HTR2A: variants seen among roughly 807,000 people sequenced by gnomAD.
HTR2A encodes 5-HT2 receptor.
HTR2A carries 14 observed loss-of-function variants against 31.0 expected under a neutral mutation model. That is an observed-to-expected ratio of 0.45 (90% confidence interval 0.30 to 0.71). The LOEUF (loss-of-function observed/expected upper bound fraction) is 0.71. Among genes scored for constraint, HTR2A ranks in the 30% least tolerant of loss-of-function variants. The pLI is 0.09. For missense variants in HTR2A, 442 were observed against 573.3 expected (o/e 0.77, Z 2.34); for synonymous variants, 209 against 225.2 (o/e 0.93, Z 0.64).
intron 2 of HTR2A, among the ~76,000 whole-genome samples, chr13:46,893,638 T>C (rs78832357): frequency 0.015 from 2,303 of 152,286 alleles, 51 homozygotes; most frequent in African/African-American, 0.052. Context: ...ATGTAAGAGA[T>C]ACTGCAGGTC....
intron 3 of HTR2A, among the ~76,000 whole-genome samples, 196 bp from the exon 4 acceptor site, chr13:46,835,835 A>G (rs557987755): frequency 6.6e-6 from 1 of 152,192 alleles, no homozygotes; most frequent in African/African-American, 2.4e-5. Context: ...CTTGTATGTT[A>G]TATTGCCCTA....
chr13:46,855,063 G>A (rs1432804316), intron 3 of HTR2A, among the ~76,000 whole-genome samples: 1 of 152,114 alleles, frequency 6.6e-6, no homozygotes, highest in African/African-American at 2.4e-5. Context: ...ATTGACTAAT[G>A]TCCCCCCAGA....
chr13:46,842,728 T>C (rs1383838083), intron 3 of HTR2A, among the ~76,000 whole-genome samples: 1 of 152,196 alleles, frequency 6.6e-6, no homozygotes, highest in Non-Finnish European at 1.5e-5. Flanking sequence ...CTCTTCTTTA[T>C]GTTATGTCTT....
intron 3 of HTR2A, among the ~76,000 whole-genome samples, chr13:46,867,840 T>C (rs1006749064): frequency 1.3e-5 from 2 of 152,226 alleles, no homozygotes; most frequent in African/African-American, 4.8e-5. Context: ...AGCAAGATAA[T>C]GTGTTAGCCT....
chr13:46,884,474 C>T (rs560970519), intron 3 of HTR2A, among the ~76,000 whole-genome samples: 20 of 152,252 alleles, frequency 1.3e-4, no homozygotes, highest in African/African-American at 4.6e-4. Flanking sequence ...ACCATCCTGG[C>T]TAACACGGTG....
intron 3 of HTR2A, among the ~76,000 whole-genome samples, chr13:46,876,404 A>ATTTT (rs1156826300): frequency 1.4e-5 from 1 of 71,294 alleles, no homozygotes; most frequent in Non-Finnish European, 2.6e-5. Context: ...ATATATATAT[A>ATTTT]TTTTTTTTTT....
chr13:46,868,451 A>G (rs892940160), intron 3 of HTR2A, among the ~76,000 whole-genome samples: 3 of 152,266 alleles, frequency 2.0e-5, no homozygotes, highest in African/African-American at 7.2e-5. Flanking sequence ...TCATACGACC[A>G]AAAGAAAACT....
chr13:46,858,219 G>A (rs1173155944), intron 3 of HTR2A, among the ~76,000 whole-genome samples: 1 of 152,156 alleles, frequency 6.6e-6, no homozygotes, highest in Non-Finnish European at 1.5e-5. Flanking sequence ...TAGACATACT[G>A]ATTTGGATAT....
rs1469262171 is a variant in HTR2A, at chr13:46,835,240, G to C, written c.1013C>G (p.Pro338Arg). The C allele has an allele frequency of 6.2e-7, 1 of 1,613,948 alleles. No individual in the cohort carries two copies. The highest frequency in any genetic ancestry group is 8.5e-7 in the Non-Finnish European group (1 of 1,180,012). The change falls in exon 4 of 4, where the codon CCT becomes CGT. Residue 338 changes from proline to arginine, a missense_variant. Transcript: ENST00000542664. Reference protein sequence around the residue: ...VFFLFVVMWCPFFITNIMAVI... With the variant: ...VFFLFVVMWCRFFITNIMAVI... Reference sequence around the variant, plus strand: ...GGCCATGATGTTTGTGATGAAGAAAGGGCACCACATCACCACAAACAGGAA... The same window carrying C: ...GGCCATGATGTTTGTGATGAAGAAACGGCACCACATCACCACAAACAGGAA...
intron 3 of HTR2A, among the ~76,000 whole-genome samples, chr13:46,890,203 C>T (rs149802420): frequency 0.015 from 2,263 of 152,284 alleles, 30 homozygotes; most frequent in Non-Finnish European, 0.022. Context: ...ATTAGCCGGG[C>T]GTGGTGGCAC....
intron 3 of HTR2A, among the ~76,000 whole-genome samples, chr13:46,856,673 T>G (rs1225835312): frequency 6.6e-6 from 1 of 152,228 alleles, no homozygotes; most frequent in Non-Finnish European, 1.5e-5. Flanking sequence ...ATGTATGTAC[T>G]TCTATCCTGG....
At chr13:46,882,904 A>G (rs1950977195) in intron 3 of HTR2A, among the ~76,000 whole-genome samples, 1 of 152,204 alleles carries the variant, frequency 6.6e-6, no homozygotes, top group African/African-American at 2.4e-5. Flanking sequence ...AACAGAAACC[A>G]TAATGTAGGT....
chr13:46,846,760 A>G lies in HTR2A; in HGVS notation c.614-11121T>C, dbSNP rs1208348214. ...CACTGTGTCCTTTCTCTGTGGGAAG[A>G]AGGGTGGTCATATGAAATCTGGGAC... On this transcript the variant is annotated intron_variant, in intron 3 of 3. Coordinates refer to ENST00000542664, the MANE Select transcript of HTR2A (RefSeq NM_000621.5). Among the ~76,000 whole-genome samples, 10 of 152,218 alleles carry G rather than the reference A, an allele frequency of 6.6e-5. 1 individual carries two copies. Among genetic ancestry groups the G allele is most frequent in the Admixed American group, 6.5e-4 (10 of 15,290 alleles).
At position 46,836,703 on chromosome 13, in the gene HTR2A, C is replaced by T. The variant is rs78353874; in HGVS notation, c.614-1064G>A. ...CTTGTTTCATCCATATGTCCTCTGGCTGCCATCCCTCCCATGTTATTATGA... is the reference window on the plus strand; with the variant it reads ...CTTGTTTCATCCATATGTCCTCTGGTTGCCATCCCTCCCATGTTATTATGA... On this transcript the variant is annotated intron_variant, in intron 3 of 3. Coordinates refer to ENST00000542664, the MANE Select transcript of HTR2A (RefSeq NM_000621.5). 6.8e-4 allele frequency among the ~76,000 whole-genome samples: 104 copies of T among 152,290 alleles called. 1 individual carries two copies. In the East Asian group the frequency reaches 0.012, roughly 17 times the overall value.
rs372180890 is a variant in HTR2A at position 46,835,149 on chromosome 13, G to A, written c.1104C>T (p.Ile368=). 18 of 1,613,896 alleles carry A rather than the reference G, an allele frequency of 1.1e-5. No individual in the cohort carries two copies. Among genetic ancestry groups the A allele is most frequent in the African/African-American group, 8.0e-5 (6 of 74,888 alleles). ...GGTTGACTGCTGAAGAGAGATAACC[G>A]ATCCAAACAAACACATTGAGCAGGG... ...IGALLNVFVW[I]GYLSSAVNPL... The change falls in exon 4 of 4, where the codon ATC becomes ATT. Residue 368 remains isoleucine, a synonymous_variant. Transcript: ENST00000542664.
At position 46,895,322 on chromosome 13, in the gene HTR2A, A is replaced by C. The variant is rs1031021892; in HGVS notation, c.412+173T>G. On this transcript the variant is annotated intron_variant, in intron 2 of 3. Transcript: ENST00000542664. The surrounding 1 kb of genome is among the most constrained non-coding windows in gnomAD (Gnocchi z 4.4). ...ACAGGTCATAGACTGTCTGATTTTT[A>C]TGTGAAATCCCATTTTAAGAGTAAA... The C allele has an allele frequency of 1.6e-6, 1 of 624,704 alleles. No homozygotes were observed. Among genetic ancestry groups the C allele is most frequent in the Non-Finnish European group, 2.7e-6 (1 of 366,356 alleles). The allele number at this position is 624,704 out of a possible 1,614,324, so 38.7% of individuals were successfully genotyped here. A position where few individuals can be genotyped will look rare whatever the true frequency, so the allele number is the denominator to read the frequency against.
chr13:46,838,711 T>G (rs758999666), intron 3 of HTR2A, among the ~76,000 whole-genome samples: 1 of 152,170 alleles, frequency 6.6e-6, no homozygotes, highest in African/African-American at 2.4e-5. Flanking sequence ...CCTAATGTGA[T>G]GAATTACAGC....
chr13:46,892,408 C>T lies in HTR2A; in HGVS notation c.595G>A (p.Val199Ile), dbSNP rs368857032. The change falls in exon 3 of 4, where the codon GTT becomes ATT. Residue 199 changes from valine to isoleucine, a missense_variant. Around this residue, in one of 5 missense-constraint regions of HTR2A, gnomAD observed 86 missense variants for 179.1 expected, o/e 0.48. Transcript: ENST00000542664. ...CACTTACCTACTGATATGGTCCAAA[C>T]AGCAATGATTTTCAGAAATGCCTTA... ...RTKAFLKIIAVWTISVGISMP... is the reference protein window; with the variant it reads ...RTKAFLKIIAIWTISVGISMP... The T allele has an allele frequency of 6.2e-7, 1 of 1,614,180 alleles. No homozygotes were observed. Among genetic ancestry groups the T allele is most frequent in the Non-Finnish European group, 8.5e-7 (1 of 1,179,998 alleles).
intron 2 of HTR2A, among the ~76,000 whole-genome samples, chr13:46,894,116 G>T (rs966599553): frequency 6.6e-6 from 1 of 152,228 alleles, no homozygotes; most frequent in African/African-American, 2.4e-5. Flanking sequence ...GGGATAAGGA[G>T]GGGGCATTTC....
Sources: allele counts gnomAD v4.1 joint callset (sites outside exome capture counted in the v4.1 genomes callset), GRCh38; gene constraint gnomAD v4.1.1; regional missense constraint gnomAD v4.1.1; non-coding constraint Gnocchi (gnomAD v3.1); transcripts MANE v1.5; gene names NCBI Gene and HGNC (gene_info 2026-07-23, HGNC 2026-07-21).